Variants in EME2 observed in about 807,000 individuals in gnomAD.
EME2 encodes structure-specific endonuclease subunit EME2.
A neutral mutation model predicts 41.9 loss-of-function variants in EME2; 58 were observed. The ratio of observed to expected loss-of-function variants is 1.38; its 90% confidence interval spans 1.12 to 1.72. The LOEUF (loss-of-function observed/expected upper bound fraction) is 1.72. Among genes scored for constraint, EME2 ranks in the 40% most tolerant of loss-of-function variants. The pLI, the probability that EME2 is intolerant of heterozygous loss-of-function variation, is 0.00. For missense variants in EME2, 695 were observed against 541.9 expected (o/e 1.28, Z -2.81); for synonymous variants, 334 against 239.3 (o/e 1.40, Z -3.65).
chr16:1,778,224 G>T lies in EME2; in HGVS notation c.*1986G>T. 2 of 1,612,978 alleles carry T rather than the reference G, an allele frequency of 1.2e-6. No homozygotes were observed. The highest frequency in any genetic ancestry group is 1.7e-6 in the Non-Finnish European group (2 of 1,179,972). On this transcript the variant is annotated 3_prime_UTR_variant, in exon 8 of 8. Transcript: ENST00000568449. ...CCTTGGTGCCCCGGATGGCCGCTGT[G>T]CCGCAGCTGTACTCCATGTGGAAGC...
chr16:1,777,651 C>T lies in EME2; in HGVS notation c.*1413C>T. ...GGGCCTCAGGCTTCTGGGAGGAACC[C>T]TTTCAGAAAACCTCAGTGTCCCCTG... On this transcript the variant is annotated 3_prime_UTR_variant, in exon 8 of 8. Coordinates refer to ENST00000568449, the MANE Select transcript of EME2 (RefSeq NM_001257370.2). 3.9e-6 allele frequency: 6 copies of T among 1,553,910 alleles called. No homozygotes were observed. The highest frequency in any genetic ancestry group is 4.3e-6 in the Non-Finnish European group (5 of 1,149,954).
Position 1,776,152 on chromosome 16 carries a change from C to T in EME2, c.1054C>T (p.Arg352Cys), listed in dbSNP as rs751607323. The T allele has an allele frequency of 7.4e-5, 119 of 1,612,342 alleles. No individual in the cohort carries two copies. The highest frequency in any genetic ancestry group is 9.9e-5 in the Non-Finnish European group (117 of 1,179,942). ...PVPPSEGGRP[R>C]RVGPDLSRRI... ...GCCGCCCAGTGAAGGCGGGCGTCCC[C>T]GCAGGGTGGGGCCTGACCTCTCCCG... Residue 352 changes from arginine (R) to cysteine (C), a missense_variant, in exon 8 of 8, where the codon CGC (arginine) becomes TGC (cysteine). Physicochemically the swap from Arg to Cys is radical, Grantham distance 180 (BLOSUM62 -3). Coordinates refer to ENST00000568449, the MANE Select transcript of EME2 (RefSeq NM_001257370.2).
In EME2 at chr16:1,772,845, G is replaced by A; in HGVS notation, c.-383G>A. On this transcript the variant is annotated 5_prime_UTR_variant, in exon 1 of 8. Transcript: ENST00000568449. ...CACCCGCGTGAGGCGCCAGTAGCAC[G>A]GCTCGTCGTGCTGCCACAGCCAGGA... 8.3e-6 allele frequency: 12 copies of A among 1,443,602 alleles called. No homozygotes were observed. The highest frequency in any genetic ancestry group is 1.0e-5 in the Non-Finnish European group (11 of 1,103,378). 89.4% of individuals were successfully genotyped at this position (1,443,602 alleles called of 1,614,324 possible). A position where few individuals can be genotyped will look rare whatever the true frequency, so the allele number is the denominator to read the frequency against.
chr16:1,781,156 G>T lies in EME2; in HGVS notation c.*4918G>T, dbSNP rs748932155. The T allele has an allele frequency of 6.5e-7, 1 of 1,527,076 alleles. No individual in the cohort carries two copies. The highest frequency in any genetic ancestry group is 1.2e-5 in the South Asian group (1 of 83,112). The allele number at this position is 1,527,076 out of a possible 1,614,324, so 94.6% of individuals were successfully genotyped here. On this transcript the variant is annotated 3_prime_UTR_variant, in exon 8 of 8. Transcript: ENST00000568449. ...TGTTCTGAGGTCCTGTCACCCCTGA[G>T]GCTGTGTGTGTCCTTTGCCAAATTA...
intron 3 of EME2, among the ~76,000 whole-genome samples, chr16:1,774,725 C>A (rs141897555): frequency 6.6e-6 from 1 of 152,228 alleles, no homozygotes; most frequent in African/African-American, 2.4e-5. Context: ...GTCCCTGTGT[C>A]CCAGGATCAG....
Position 1,772,819 on chromosome 16 carries a change from G to A in EME2, c.-409G>A. 6.9e-7 allele frequency: 1 copy of A among 1,445,808 alleles called. No homozygotes were observed. The highest frequency in any genetic ancestry group is 9.1e-7 in the Non-Finnish European group (1 of 1,104,556). The allele number at this position is 1,445,808 out of a possible 1,614,324, so 89.6% of individuals were successfully genotyped here. A position where few individuals can be genotyped will look rare whatever the true frequency, so the allele number is the denominator to read the frequency against. On this transcript the variant is annotated 5_prime_UTR_variant, in exon 1 of 8. Coordinates refer to ENST00000568449, the MANE Select transcript of EME2 (RefSeq NM_001257370.2). Reference sequence around the variant, plus strand: ...CGCACCTGCGCCGTGTAGTCGGGCCGCACCCGCGTGAGGCGCCAGTAGCAC... The same window carrying A: ...CGCACCTGCGCCGTGTAGTCGGGCCACACCCGCGTGAGGCGCCAGTAGCAC...
At position 1,776,177 on chromosome 16, in the gene EME2, G is replaced by A. The variant is rs778411986; in HGVS notation, c.1079G>A (p.Arg360His). Residue 360 changes from arginine (R) to histidine (H), a missense_variant, in exon 8 of 8, where the codon CGC becomes CAC. By Grantham distance (29) the Arg-to-His change is conservative. Coordinates refer to ENST00000568449, the MANE Select transcript of EME2 (RefSeq NM_001257370.2). ...CGCAGGGTGGGGCCTGACCTCTCCC[G>A]CCGCATCTGCCTCTTCCTGACCACA... ...RPRRVGPDLS[R>H]RICLFLTTAN... 1.1e-5 allele frequency: 18 copies of A among 1,612,472 alleles called. No homozygotes were observed. Among genetic ancestry groups the A allele is most frequent in the South Asian group, 2.2e-5 (2 of 91,094 alleles).
rs150519122 is a variant in EME2, at chr16:1,778,746, A to G, written c.*2508A>G. 110 of 983,814 alleles carry G rather than the reference A, an allele frequency of 1.1e-4. 1 individual carries two copies. In the African/African-American group the frequency reaches 1.4e-3, roughly 13 times the overall value. The allele number at this position is 983,814 out of a possible 1,614,324, so 60.9% of individuals were successfully genotyped here. On this transcript the variant is annotated 3_prime_UTR_variant, in exon 8 of 8. Transcript: ENST00000568449. ...GGGTCCAGGCCTCCAGGGACTTCAC[A>G]GTACCCCGAGCGCACAGCCCAGGCT...
Position 1,781,187 on chromosome 16 carries a change from T to TCTTA in EME2, c.*4952_*4955dup. On this transcript the variant is annotated 3_prime_UTR_variant, in exon 8 of 8. Transcript: ENST00000568449. The stretch of plus-strand genomic sequence containing the variant: ...GTGTGTCCTTTGCCAAATTAAAGAG[T>TCTTA]CTTACTGAATGCGGTGCATCCAGGA... 13 of 1,541,820 alleles carry TCTTA rather than the reference T, an allele frequency of 8.4e-6. No individual in the cohort carries two copies. The highest frequency in any genetic ancestry group is 1.1e-5 in the Non-Finnish European group (13 of 1,149,988).
Position 1,777,657 on chromosome 16 carries a change from G to A in EME2, c.*1419G>A. On this transcript the variant is annotated 3_prime_UTR_variant, in exon 8 of 8. Coordinates refer to ENST00000568449, the MANE Select transcript of EME2 (RefSeq NM_001257370.2). ...CAGGCTTCTGGGAGGAACCCTTTCA[G>A]AAAACCTCAGTGTCCCCTGGGCTGG... The A allele has an allele frequency of 1.9e-6, 3 of 1,561,126 alleles. No homozygotes were observed. The highest frequency in any genetic ancestry group is 2.6e-6 in the Non-Finnish European group (3 of 1,153,558).
chr16:1,777,760 G>A lies in EME2; in HGVS notation c.*1522G>A. The A allele has an allele frequency of 6.2e-7, 1 of 1,612,590 alleles. No homozygotes were observed. Among genetic ancestry groups the A allele is most frequent in the South Asian group, 1.1e-5 (1 of 91,042 alleles). ...TGACGGCCTCACCTATACACTTCCTGTTCTTGAAAAAGGTGAGTGTGCCGT... is the reference window on the plus strand; with the variant it reads ...TGACGGCCTCACCTATACACTTCCTATTCTTGAAAAAGGTGAGTGTGCCGT... On this transcript the variant is annotated 3_prime_UTR_variant, in exon 8 of 8. Coordinates refer to ENST00000568449, the MANE Select transcript of EME2 (RefSeq NM_001257370.2).
Position 1,777,622 on chromosome 16 carries a change from C to T in EME2, c.*1384C>T, listed in dbSNP as rs1015962015. 6.7e-6 allele frequency: 10 copies of T among 1,492,806 alleles called. No homozygotes were observed. Among genetic ancestry groups the T allele is most frequent in the Non-Finnish European group, 9.0e-6 (10 of 1,110,238 alleles). The allele number at this position is 1,492,806 out of a possible 1,614,324, so 92.5% of individuals were successfully genotyped here. A position where few individuals can be genotyped will look rare whatever the true frequency, so the allele number is the denominator to read the frequency against. ...GCCTCACTGTCCCACCCCCTGGGAC[C>T]CTGGGGCCTCAGGCTTCTGGGAGGA... On this transcript the variant is annotated 3_prime_UTR_variant, in exon 8 of 8. Coordinates refer to ENST00000568449, the MANE Select transcript of EME2 (RefSeq NM_001257370.2).
chr16:1,775,613 G>A lies in EME2; in HGVS notation c.708G>A (p.Leu236=), dbSNP rs779462751. ...LQLWANLDVL[L]VASWQELSRH... ...TCTGGGCAAACCTGGACGTGCTACTGGTGGCCTCTTGGCAGGAGCTGAGTC... is the reference window on the plus strand; with the variant it reads ...TCTGGGCAAACCTGGACGTGCTACTAGTGGCCTCTTGGCAGGAGCTGAGTC... Residue 236 remains leucine (L), a synonymous_variant, in exon 6 of 8, where the codon CTG becomes CTA. Transcript: ENST00000568449. 2 of 1,612,934 alleles carry A rather than the reference G, an allele frequency of 1.2e-6. No homozygotes were observed. The highest frequency in any genetic ancestry group is 2.2e-5 in the East Asian group (1 of 44,888).
In EME2 at chr16:1,781,667, G is replaced by A; in HGVS notation, c.*5429G>A. 1 of 652,308 alleles carries A rather than the reference G, an allele frequency of 1.5e-6. No individual in the cohort carries two copies. Among genetic ancestry groups the A allele is most frequent in the Non-Finnish European group, 2.6e-6 (1 of 382,764 alleles). The allele number at this position is 652,308 out of a possible 1,614,324, so 40.4% of individuals were successfully genotyped here. On this transcript the variant is annotated 3_prime_UTR_variant, in exon 8 of 8. Coordinates refer to ENST00000568449, the MANE Select transcript of EME2 (RefSeq NM_001257370.2). ...CGTACCTCACTCCAGGATCTGAGCAGCTCAATAAAACCCAGGTAGATCCTG... is the reference window on the plus strand; with the variant it reads ...CGTACCTCACTCCAGGATCTGAGCAACTCAATAAAACCCAGGTAGATCCTG...
intron 3 of EME2, among the ~76,000 whole-genome samples, chr16:1,774,753 C>T (rs777762651): frequency 2.0e-5 from 3 of 152,238 alleles, no homozygotes; most frequent in Admixed American, 6.5e-5. Context: ...CAAGCTGCTG[C>T]TTTGTGCTAG....
Position 1,773,370 on chromosome 16 carries a change from C to T in EME2, c.143C>T (p.Ala48Val). 6.5e-7 allele frequency: 1 copy of T among 1,530,766 alleles called. No homozygotes were observed. The highest frequency in any genetic ancestry group is 8.7e-7 in the Non-Finnish European group (1 of 1,150,422). The allele number at this position is 1,530,766 out of a possible 1,614,324, so 94.8% of individuals were successfully genotyped here. The stretch of plus-strand genomic sequence containing the variant: ...GACTCCGCCGGCTCGGAGGCCGCCG[C>T]GAGAGCCCGGGACCCAGCGGGTGAG... The part of the protein sequence containing the change: ...AEDSAGSEAA[A>V]RARDPAGERR... The change falls in exon 1 of 8, where the codon GCG (alanine) becomes GTG (valine). Residue 48 changes from alanine (A) to valine (V), a missense_variant. Transcript: ENST00000568449.
At position 1,773,040 on chromosome 16, in the gene EME2, C is replaced by A; in HGVS notation, c.-188C>A. The A allele has an allele frequency of 7.0e-7, 1 of 1,435,588 alleles. No individual in the cohort carries two copies. Among genetic ancestry groups the A allele is most frequent in the Non-Finnish European group, 9.1e-7 (1 of 1,096,182 alleles). The allele number at this position is 1,435,588 out of a possible 1,614,324, so 88.9% of individuals were successfully genotyped here. On this transcript the variant is annotated 5_prime_UTR_variant, in exon 1 of 8. It adds an upstream start codon to the 5' untranslated region. Transcript: ENST00000568449. Reference sequence around the variant, plus strand: ...CGCGTAGAGCTGGGAGTCGCGCGGCCTGTTCAGTTGCTCCCGCAGGGCGCG... The same window carrying A: ...CGCGTAGAGCTGGGAGTCGCGCGGCATGTTCAGTTGCTCCCGCAGGGCGCG...
chr16:1,773,917 C>CCCTG lies in EME2; in HGVS notation c.384+77_384+80dup, dbSNP rs2042670545. 2.1e-6 allele frequency: 3 copies of CCCTG among 1,459,574 alleles called. No individual in the cohort carries two copies. In the South Asian group the frequency reaches 4.1e-5, roughly 20 times the overall value. The allele number at this position is 1,459,574 out of a possible 1,614,324, so 90.4% of individuals were successfully genotyped here. On this transcript the variant is annotated intron_variant, in intron 2 of 7. Transcript: ENST00000568449. ...TCCATGATTTCAGCCCTGGAGCTGT[C>CCCTG]CCTGAGGCAGCTGCCCTGGGCCGTG... is the stretch of plus-strand genomic sequence containing the variant.
chr16:1,773,769 C>G lies in EME2; in HGVS notation c.312C>G (p.Cys104Trp). ...CCCTGGAGGCCCTGGGCTGCGAGTG[C>G]CGCATCGAGCCCCAGCGCCCGGCCC... ...MEALEALGCE[C>W]RIEPQRPARS... The change falls in exon 2 of 8, where the codon TGC becomes TGG. Residue 104 changes from cysteine to tryptophan, a missense_variant. Coordinates refer to ENST00000568449, the MANE Select transcript of EME2 (RefSeq NM_001257370.2). 1.3e-6 allele frequency: 2 copies of G among 1,551,046 alleles called. No individual in the cohort carries two copies. Among genetic ancestry groups the G allele is most frequent in the South Asian group, 2.4e-5 (2 of 84,258 alleles).
Sources: allele counts gnomAD v4.1 joint callset (sites outside exome capture counted in the v4.1 genomes callset), GRCh38; gene constraint gnomAD v4.1.1; transcripts MANE v1.5; gene names NCBI Gene and HGNC (gene_info 2026-07-23, HGNC 2026-07-21).